The following NPAS1 variants were observed in gnomAD, a reference collection of about 807,000 sequenced individuals.
NPAS1 encodes neuronal PAS domain protein 1, also known as neuronal PAS domain-containing protein 1.
A neutral mutation model predicts 49.2 loss-of-function variants in NPAS1; 29 were observed. The observed-to-expected ratio is 0.59, with a 90% CI of 0.44 to 0.80. NPAS1 has a LOEUF of 0.80. NPAS1 is among the 30% of genes least tolerant of loss of function. The pLI is 0.00. For missense variants in NPAS1, 825 were observed against 835.5 expected, an observed-to-expected ratio of 0.99 and a Z score of 0.15; for synonymous variants, 408 against 380.4, an observed-to-expected ratio of 1.07 and a Z score of -0.84.
At chr19:47,044,434 C>T (rs2057053650) in intron 11 of NPAS1, among the ~76,000 whole-genome samples, 1 of 152,212 alleles carries the variant, frequency 6.6e-6, no homozygotes, top group African/African-American at 2.4e-5. Context: ...CCACATATTG[C>T]ATGCACAGTG....
At chr19:47,043,651 G>C (rs2122560372) in intron 11 of NPAS1, among the ~76,000 whole-genome samples, 1 of 152,012 alleles carries the variant, frequency 6.6e-6, no homozygotes, top group South Asian at 2.1e-4. Flanking sequence ...CAGCTACTCA[G>C]GAGGCTGAGG....
chr19:47,026,114 T>G (rs1184243345), intron 3 of NPAS1, among the ~76,000 whole-genome samples: 1 of 152,046 alleles, frequency 6.6e-6, no homozygotes, highest in Non-Finnish European at 1.5e-5. Flanking sequence ...AATTTTTGTA[T>G]TTTTAGTAGA....
intron 5 of NPAS1, among the ~76,000 whole-genome samples, chr19:47,035,110 G>A (rs910539467): frequency 6.6e-6 from 1 of 151,870 alleles, no homozygotes; most frequent in African/African-American, 2.4e-5. Context: ...GAACCTGGGA[G>A]GCAGAGGTCA....
At chr19:47,034,565 C>T (rs757756728) in intron 5 of NPAS1, among the ~76,000 whole-genome samples, 5 of 151,868 alleles carry the variant, frequency 3.3e-5, no homozygotes, top group Admixed American at 2.6e-4. Flanking sequence ...GACAAGAGGA[C>T]GGGAGGGAGG....
chr19:47,029,495 G>A (rs1024866956), intron 3 of NPAS1, among the ~76,000 whole-genome samples: 5 of 152,006 alleles, frequency 3.3e-5, no homozygotes, highest in African/African-American at 1.2e-4. Flanking sequence ...CACGTCCCGG[G>A]TTCAAGCAAT....
At position 47,039,108 on chromosome 19, in the gene NPAS1, C is replaced by T; in HGVS notation, c.761C>T (p.Thr254Met). The T allele has an allele frequency of 1.2e-6, 2 of 1,613,738 alleles. No homozygotes were observed. The highest frequency in any genetic ancestry group is 1.7e-6 in the Non-Finnish European group (2 of 1,179,822). The change falls in exon 7 of 12, where the codon ACG becomes ATG. Residue 254 changes from threonine to methionine, a missense_variant. Transcript: ENST00000602212. ...TCCTTCTTTGTCCGCATGAAATCCACGCTCACCAAGAGGGGGCTGCACGTC... is the reference window on the plus strand; with the variant it reads ...TCCTTCTTTGTCCGCATGAAATCCATGCTCACCAAGAGGGGGCTGCACGTC... ...ERSFFVRMKSTLTKRGLHVKA... is the reference protein window; with the variant it reads ...ERSFFVRMKSMLTKRGLHVKA...
intron 3 of NPAS1, among the ~76,000 whole-genome samples, chr19:47,026,150 G>A (rs10424509): frequency 0.051 from 7,684 of 152,094 alleles, 663 homozygotes; most frequent in African/African-American, 0.17. Context: ...CGTTGGCCAG[G>A]CTGGTCTTGA....
Position 47,037,070 on chromosome 19 carries a change from G to A in NPAS1, c.688+941G>A, listed in dbSNP as rs1248255348. Among the ~76,000 whole-genome samples, 23 of 114,034 alleles carry A rather than the reference G, an allele frequency of 2.0e-4. No homozygotes were observed. In the South Asian group the frequency reaches 2.5e-3, roughly 12 times the overall value. 74.8% of individuals were successfully genotyped at this position (114,034 alleles called of 152,430 possible). ...GTGTCTGGAAAAAAAAAAAAAAAAAGGCTGGGTGCGGTGGCTCACGCCTGT... is the reference window on the plus strand; with the variant it reads ...GTGTCTGGAAAAAAAAAAAAAAAAAAGCTGGGTGCGGTGGCTCACGCCTGT... On this transcript the variant is annotated intron_variant, in intron 6 of 11. Coordinates refer to ENST00000602212, the MANE Select transcript of NPAS1 (RefSeq NM_002517.4).
Position 47,020,993 on chromosome 19 carries a change from C to T in NPAS1, c.-42-13C>T. On this transcript the variant is annotated splice_polypyrimidine_tract_variant and intron_variant, in intron 1 of 11. Transcript: ENST00000602212. Reference sequence around the variant, plus strand: ...GGGCACTAAGCGTTGCCCCTGGCCCCCTCCCGCTGCAGGAGACTCGGGGCT... The same window carrying T: ...GGGCACTAAGCGTTGCCCCTGGCCCTCTCCCGCTGCAGGAGACTCGGGGCT... 2.0e-6 allele frequency: 3 copies of T among 1,530,354 alleles called. No individual in the cohort carries two copies. Among genetic ancestry groups the T allele is most frequent in the Non-Finnish European group, 1.8e-6 (2 of 1,139,278 alleles). 94.8% of individuals were successfully genotyped at this position (1,530,354 alleles called of 1,614,324 possible).
At chr19:47,036,173 G>A (rs2056953736) in intron 6 of NPAS1, 44 bp downstream of exon 6, 1 of 1,534,902 alleles carries the variant, frequency 6.5e-7, no homozygotes, top group South Asian at 1.2e-5. Context: ...AGGGTAGATC[G>A]GGGGACGCCC....
At chr19:47,045,164 C>T (rs376800089) in intron 11 of NPAS1, 27 bp from the exon 12 acceptor site, 2 of 1,605,364 alleles carry the variant, frequency 1.2e-6, no homozygotes, top group Admixed American at 1.7e-5. Context: ...GGGACACACA[C>T]AGGCCCTCAG....
intron 6 of NPAS1, among the ~76,000 whole-genome samples, chr19:47,038,144 G>A (rs2056977721): frequency 6.6e-6 from 1 of 152,220 alleles, no homozygotes; most frequent in Non-Finnish European, 1.5e-5. Flanking sequence ...GGTCCTGAGA[G>A]GTGGGCTTTC....
At position 47,040,969 on chromosome 19, in the gene NPAS1, T is replaced by TGGGCC; in HGVS notation, c.1070-8_1070-4dup. On this transcript the variant is annotated splice_polypyrimidine_tract_variant and intron_variant, in intron 9 of 11. Transcript: ENST00000602212. ...ACCCCCTTCCCATCTCTCCCTGGGC[T>TGGGCC]GGGCCCAGTGCTGGACAAGGGTCAG... 6.9e-7 allele frequency: 1 copy of TGGGCC among 1,454,498 alleles called. No homozygotes were observed. The highest frequency in any genetic ancestry group is 9.1e-7 in the Non-Finnish European group (1 of 1,100,194). The allele number at this position is 1,454,498 out of a possible 1,614,324, so 90.1% of individuals were successfully genotyped here.
chr19:47,027,619 C>CTGTCTGCCCCG (rs1568501598), intron 3 of NPAS1, among the ~76,000 whole-genome samples: 5 of 38,936 alleles, frequency 1.3e-4, no homozygotes, highest in African/African-American at 7.0e-4. Context: ...CCTGGTCTCC[C>CTGTCTGCCCCG]GTCTCTCTGC....
At chr19:47,032,443 T>G (rs1043961433) in intron 4 of NPAS1, 92 bp downstream of exon 4, 100 of 1,390,198 alleles carry the variant, frequency 7.2e-5, no homozygotes, top group Non-Finnish European at 9.6e-5. Flanking sequence ...CCATCTATTG[T>G]GGGGGGTACC....
chr19:47,045,333 C>T lies in NPAS1; in HGVS notation c.1455C>T (p.Ser485=). 1.9e-6 allele frequency: 3 copies of T among 1,613,896 alleles called. No individual in the cohort carries two copies. Among genetic ancestry groups the T allele is most frequent in the South Asian group, 1.1e-5 (1 of 91,080 alleles). Reference sequence around the variant, plus strand: ...ACAGTGGCGACGAGGATCCCTCCAGCCACCCGGCCACACCGAGGCCCGAGT... The same window carrying T: ...ACAGTGGCGACGAGGATCCCTCCAGTCACCCGGCCACACCGAGGCCCGAGT... The part of the protein sequence containing the change: ...SEDSGDEDPS[S]HPATPRPEFT... Residue 485 remains serine, a synonymous_variant, in exon 12 of 12, where the codon AGC becomes AGT. Transcript: ENST00000602212.
chr19:47,045,259 A>C lies in NPAS1; in HGVS notation c.1381A>C (p.Lys461Gln). Reference protein sequence around the residue: ...AENEAPQTQGKRIKVEPGPRE... With the variant: ...AENEAPQTQGQRIKVEPGPRE... ...GAACGAGGCCCCCCAGACCCAGGGC[A>C]AACGCATCAAAGTGGAGCCCGGCCC... Residue 461 changes from lysine (K) to glutamine (Q), a missense_variant, in exon 12 of 12, where the codon AAA (lysine) becomes CAA (glutamine). By Grantham distance (53) the Lys-to-Gln change is moderately conservative. Transcript: ENST00000602212. The C allele has an allele frequency of 6.2e-7, 1 of 1,614,006 alleles. No individual in the cohort carries two copies. The highest frequency in any genetic ancestry group is 8.5e-7 in the Non-Finnish European group (1 of 1,179,978).
chr19:47,039,375 G>A (rs545688531), intron 7 of NPAS1, 32 bp from the exon 8 acceptor site: 14 of 1,609,986 alleles, frequency 8.7e-6, no homozygotes, highest in African/African-American at 1.3e-5. Context: ...GGCCCGCCTT[G>A]TCCCTCCTCC....
In NPAS1 at chr19:47,020,989, G is replaced by T; in HGVS notation, c.-42-17G>T. ...CCGAGGGCACTAAGCGTTGCCCCTG[G>T]CCCCCTCCCGCTGCAGGAGACTCGG... is the stretch of plus-strand genomic sequence containing the variant. On this transcript the variant is annotated splice_polypyrimidine_tract_variant and intron_variant, in intron 1 of 11. Transcript: ENST00000602212. The T allele has an allele frequency of 6.6e-7, 1 of 1,507,388 alleles. No homozygotes were observed. The highest frequency in any genetic ancestry group is 8.9e-7 in the Non-Finnish European group (1 of 1,123,558). 93.4% of individuals were successfully genotyped at this position (1,507,388 alleles called of 1,614,324 possible). A position where few individuals can be genotyped will look rare whatever the true frequency, so the allele number is the denominator to read the frequency against.
Sources: allele counts gnomAD v4.1 joint callset (sites outside exome capture counted in the v4.1 genomes callset), GRCh38; gene constraint gnomAD v4.1.1; transcripts MANE v1.5; gene names NCBI Gene and HGNC (gene_info 2026-07-23, HGNC 2026-07-21).